SORCS2: variants seen among roughly 807,000 people sequenced by gnomAD.
The protein encoded by SORCS2 is sortilin related VPS10 domain containing receptor 2.
In SORCS2, 100 loss-of-function variants were observed where a neutral mutation model predicts 141.6. That is an observed-to-expected ratio of 0.71 (90% CI 0.60 to 0.83). SORCS2 has a LOEUF of 0.83. SORCS2 is among the 40% of genes least tolerant of loss of function. The pLI is 0.00. For synonymous variants in SORCS2, 789 were observed against 676.9 expected, an observed-to-expected ratio of 1.17 and a Z score of -2.57; for missense variants, 1,646 against 1,560.2, an observed-to-expected ratio of 1.05 and a Z score of -0.93.
At chr4:7,437,909 A>G (rs572129507) in intron 2 of SORCS2, among the ~76,000 whole-genome samples, 2 of 152,214 alleles carry the variant, frequency 1.3e-5, no homozygotes, top group South Asian at 4.2e-4. Flanking sequence ...GTCCACACAC[A>G]TGTATATATT....
At chr4:7,440,823 T>G (rs1040269797) in intron 2 of SORCS2, among the ~76,000 whole-genome samples, 3 of 152,190 alleles carry the variant, frequency 2.0e-5, no homozygotes, top group Non-Finnish European at 4.4e-5. Context: ...CACGGGTCAC[T>G]CATTTCACGA....
intron 1 of SORCS2, among the ~76,000 whole-genome samples, chr4:7,289,953 CCCCTT>C (rs1382625280): frequency 2.0e-5 from 3 of 152,172 alleles, no homozygotes; most frequent in Non-Finnish European, 4.4e-5. Context: ...GGACAAGAGT[CCCCTT>C]CCGATTGCCT....
At chr4:7,515,792 T>C (rs923958866) in intron 2 of SORCS2, among the ~76,000 whole-genome samples, 2 of 152,252 alleles carry the variant, frequency 1.3e-5, no homozygotes, top group African/African-American at 2.4e-5. Context: ...CCTGCAGCTC[T>C]CTGCCTAACA....
intron 3 of SORCS2, among the ~76,000 whole-genome samples, chr4:7,573,666 C>T (rs1349015179): frequency 2.0e-5 from 3 of 152,118 alleles, no homozygotes; most frequent in African/African-American, 7.2e-5. Context: ...TACAGGCATG[C>T]ACCACCGCAC....
At chr4:7,602,318 A>AG (rs1378900859) in intron 3 of SORCS2, among the ~76,000 whole-genome samples, 3 of 149,486 alleles carry the variant, frequency 2.0e-5, no homozygotes, top group Admixed American at 2.0e-4. Flanking sequence ...CACCTCCTGG[A>AG]GGGGGCGGCT....
At chr4:7,547,479 C>T (rs543163042) in intron 3 of SORCS2, among the ~76,000 whole-genome samples, 1 of 152,398 alleles carries the variant, frequency 6.6e-6, no homozygotes, top group East Asian at 1.9e-4. Context: ...AAATTCATCT[C>T]CATGCCTGCA....
Position 7,734,286 on chromosome 4 carries a change from G to A in SORCS2, c.3223G>A (p.Gly1075Ser). The change falls in exon 25 of 27, where the codon GGC (glycine) becomes AGC (serine). Residue 1075 changes from glycine (G) to serine (S), a missense_variant. Gly to Ser is a moderately conservative substitution (Grantham distance 56, BLOSUM62 0). Transcript: ENST00000507866. ...TTTGCTTGCAGGTGCTGAGCAGCTG[G>A]GCGGCGGTGGCGGCTACTGGGCGGT... ...RDTGTGAEQLGGGGGYWAVVV... is the reference protein window; with the variant it reads ...RDTGTGAEQLSGGGGYWAVVV... 1 of 1,601,354 alleles carries A rather than the reference G, an allele frequency of 6.2e-7. No individual in the cohort carries two copies. Among genetic ancestry groups the A allele is most frequent in the Non-Finnish European group, 8.5e-7 (1 of 1,175,152 alleles).
intron 3 of SORCS2, among the ~76,000 whole-genome samples, chr4:7,589,109 G>T (rs758776866): frequency 1.3e-5 from 2 of 152,296 alleles, no homozygotes; most frequent in East Asian, 3.9e-4. Context: ...GGTTCAGCAG[G>T]CTCGGAGTTG....
chr4:7,434,483 C>T lies in SORCS2; in HGVS notation c.548+38128C>T, dbSNP rs1727145196. The T allele has an allele frequency of 5.0e-6, 8 of 1,611,800 alleles. No individual in the cohort carries two copies. In the South Asian group the frequency reaches 8.8e-5, roughly 18 times the overall value. ...TCACAGAGGCTGAGCGCTGTGCACACCTGTGCCGGGGCACTGTCCGGGGCC... is the reference window on the plus strand; with the variant it reads ...TCACAGAGGCTGAGCGCTGTGCACATCTGTGCCGGGGCACTGTCCGGGGCC... On this transcript the variant is annotated intron_variant, in intron 2 of 26. Coordinates refer to ENST00000507866, the MANE Select transcript of SORCS2 (RefSeq NM_020777.3).
intron 1 of SORCS2, among the ~76,000 whole-genome samples, chr4:7,248,134 G>A (rs1032444793): frequency 6.6e-6 from 1 of 152,182 alleles, no homozygotes; most frequent in African/African-American, 2.4e-5. Context: ...CTTAGCCACC[G>A]ACTGTGTGTG....
At chr4:7,655,785 G>A (rs1051915726) in intron 5 of SORCS2, among the ~76,000 whole-genome samples, 3 of 152,230 alleles carry the variant, frequency 2.0e-5, no homozygotes, top group Non-Finnish European at 4.4e-5. Flanking sequence ...CAGGAGGTGC[G>A]ATTTCTGAGC....
chr4:7,732,618 C>T lies in SORCS2; in HGVS notation c.3109-704C>T, dbSNP rs147107344. ...TAGGGGGTCTGATTCTCCTGTCCTGCCCTGTCTCATTCTCTTCTTGGTCTT... is the reference window on the plus strand; with the variant it reads ...TAGGGGGTCTGATTCTCCTGTCCTGTCCTGTCTCATTCTCTTCTTGGTCTT... On this transcript the variant is annotated intron_variant, in intron 23 of 26. Transcript: ENST00000507866. Among the ~76,000 whole-genome samples the T allele has an allele frequency of 4.7e-3, 721 of 152,254 alleles. 15 individuals carry two copies. Among genetic ancestry groups the T allele is most frequent in the African/African-American group, 0.017 (688 of 41,536 alleles).
At chr4:7,448,319 G>A (rs12509037) in intron 2 of SORCS2, among the ~76,000 whole-genome samples, 129,654 of 151,902 alleles carry the variant, frequency 0.85, 55,728 homozygotes, top group Non-Finnish European at 0.91. Flanking sequence ...GCCCTGCGCC[G>A]GCCAGGCACA....
intron 5 of SORCS2, 121 bp from the exon 6 acceptor site, chr4:7,661,379 C>T: frequency 9.7e-7 from 1 of 1,029,512 alleles, no homozygotes. Context: ...CCTCCGGACC[C>T]ACAGAGCAAG....
At chr4:7,207,575 C>T (rs951009171) in intron 1 of SORCS2, among the ~76,000 whole-genome samples, 3 of 152,170 alleles carry the variant, frequency 2.0e-5, no homozygotes, top group Non-Finnish European at 2.9e-5. Flanking sequence ...TGGCAGGATC[C>T]CTCCTTATGG....
chr4:7,462,314 A>T (rs1270170295), intron 2 of SORCS2, among the ~76,000 whole-genome samples: 1 of 152,186 alleles, frequency 6.6e-6, no homozygotes. Flanking sequence ...CAAATCACGT[A>T]CCTTCATGAG....
chr4:7,661,602 G>A (rs1168539440), intron 6 of SORCS2, 38 bp downstream of exon 6: 1 of 1,543,190 alleles, frequency 6.5e-7, no homozygotes. Flanking sequence ...GTATCCCTGA[G>A]TCACCTCGCA....
chr4:7,618,160 C>T (rs1718893032), intron 3 of SORCS2, among the ~76,000 whole-genome samples: 2 of 152,124 alleles, frequency 1.3e-5, no homozygotes, highest in African/African-American at 4.8e-5. Flanking sequence ...TTCACAGAAG[C>T]CTCCTCCGCA....
chr4:7,373,478 A>ATATATATATATGTTTTTTTTTTTTT (rs1470691140), intron 1 of SORCS2, among the ~76,000 whole-genome samples: 1 of 36,824 alleles, frequency 2.7e-5, no homozygotes, highest in Non-Finnish European at 4.1e-5. Flanking sequence ...ATATATATAT[A>ATATATATATATGTTTTTTTTTTTTT]TTTTTTTTTT....
Sources: allele counts gnomAD v4.1 joint callset (sites outside exome capture counted in the v4.1 genomes callset), GRCh38; gene constraint gnomAD v4.1.1; transcripts MANE v1.5; gene names NCBI Gene and HGNC (gene_info 2026-07-23, HGNC 2026-07-21).